The following SYNPR variants were observed in gnomAD, a reference collection of about 807,000 sequenced individuals.
SYNPR encodes synaptoporin.
A neutral mutation model predicts 32.9 loss-of-function variants in SYNPR; 23 were observed. That is an observed-to-expected ratio of 0.70 (90% CI 0.50 to 0.99). SYNPR has a LOEUF of 0.99. SYNPR is among the 50% of genes least tolerant of loss of function. SYNPR has a pLI of 0.00. For synonymous variants in SYNPR, 146 were observed against 135.9 expected (o/e 1.07, Z -0.52); for missense variants, 318 against 349.3 (o/e 0.91, Z 0.71).
chr3:63,569,445 C>CA (rs773721493), intron 4 of SYNPR, among the ~76,000 whole-genome samples: 24 of 151,786 alleles, frequency 1.6e-4, no homozygotes, highest in Non-Finnish European at 2.4e-4. Context: ...AGAGATCTCC[C>CA]AAAAAAGACC....
intron 2 of SYNPR, among the ~76,000 whole-genome samples, chr3:63,456,034 A>G (rs1700475621): frequency 6.6e-6 from 1 of 152,124 alleles, no homozygotes; most frequent in Non-Finnish European, 1.5e-5. Context: ...AGCAAGTCAC[A>G]TCTTAGATGG....
At chr3:63,456,235 G>A (rs1450062549) in intron 2 of SYNPR, among the ~76,000 whole-genome samples, 1 of 152,060 alleles carries the variant, frequency 6.6e-6, no homozygotes, top group Non-Finnish European at 1.5e-5. Context: ...TGGGGACACA[G>A]CCAAATCATA....
upstream of SYNPR, among the ~76,000 whole-genome samples, chr3:63,275,200 G>T (rs2086563855): frequency 6.6e-6 from 1 of 152,150 alleles, no homozygotes; most frequent in African/African-American, 2.4e-5. Flanking sequence ...TAATATTGTG[G>T]CAGTGTTTAT....
chr3:63,505,543 A>G (rs576468251), intron 3 of SYNPR, among the ~76,000 whole-genome samples: 4 of 152,248 alleles, frequency 2.6e-5, no homozygotes, highest in Admixed American at 6.6e-5. Context: ...GGAACAGAGT[A>G]GAACTAATTA....
rs575682104 is a variant in SYNPR, at chr3:63,284,850, T to C, written c.84+6108T>C. On this transcript the variant is annotated intron_variant, in intron 2 of 5. Coordinates refer to ENST00000478300, the MANE Select transcript of SYNPR (RefSeq NM_001130003.2). ...CTACCTTTGTCATGCAGGCATCATA[T>C]GGGGGACTATATTACTGTGTTTTTC... is the stretch of plus-strand genomic sequence containing the variant. Among the ~76,000 whole-genome samples, 3 of 152,300 alleles carry C rather than the reference T, an allele frequency of 2.0e-5. No individual in the cohort carries two copies. The East Asian group carries it at 5.8e-4, about 29-fold the overall frequency.
chr3:63,261,882 T>TG (rs2086441153), intron 2 of SYNPR, among the ~76,000 whole-genome samples: 1 of 148,564 alleles, frequency 6.7e-6, no homozygotes, highest in Admixed American at 6.7e-5. Flanking sequence ...TGTCGTGGGG[T>TG]GGGGGGAGAG....
the SYNPR span, among the ~76,000 whole-genome samples, chr3:63,220,229 C>G: frequency 2.0e-5 from 3 of 152,054 alleles, no homozygotes; most frequent in Admixed American, 2.0e-4. Flanking sequence ...ACATAGGACT[C>G]AAATTTATGG....
At chr3:63,245,708 AGAGT>A (rs1173312584) in intron 1 of SYNPR, among the ~76,000 whole-genome samples, 6 of 50,148 alleles carry the variant, frequency 1.2e-4, no homozygotes, top group East Asian at 4.6e-4. Context: ...AGAGAGAGAG[AGAGT>A]GTGTGTGTGT....
intron 3 of SYNPR, among the ~76,000 whole-genome samples, chr3:63,522,393 C>T (rs955446491): frequency 1.1e-4 from 16 of 152,190 alleles, no homozygotes; most frequent in Admixed American, 5.2e-4. Flanking sequence ...TATTATGTAA[C>T]TTGATGTTGG....
At chr3:63,478,576 T>C (rs1018949115) in intron 2 of SYNPR, among the ~76,000 whole-genome samples, 1 of 152,204 alleles carries the variant, frequency 6.6e-6, no homozygotes, top group African/African-American at 2.4e-5. Context: ...CAATCCCTTC[T>C]TACTTTTATG....
chr3:63,429,383 G>A (rs1455843953), intron 2 of SYNPR, among the ~76,000 whole-genome samples: 7 of 152,164 alleles, frequency 4.6e-5, no homozygotes, highest in African/African-American at 1.7e-4. Context: ...ATCTGAAGTG[G>A]AATTTAGTCA....
intron 1 of SYNPR, among the ~76,000 whole-genome samples, chr3:63,244,677 T>G (rs1170806877): frequency 2.0e-5 from 3 of 152,122 alleles, no homozygotes; most frequent in Non-Finnish European, 4.4e-5. Flanking sequence ...GATAGCCCTG[T>G]TCCACAAGCT....
chr3:63,383,638 C>G (rs1220504853), intron 2 of SYNPR, among the ~76,000 whole-genome samples: 1 of 152,114 alleles, frequency 6.6e-6, no homozygotes, highest in African/African-American at 2.4e-5. Flanking sequence ...GAGCAAGACT[C>G]TGTCTCCAAA....
chr3:63,474,667 C>A lies in SYNPR; in HGVS notation c.85-6165C>A, dbSNP rs1424212321. Among the ~76,000 whole-genome samples, 5 of 152,070 alleles carry A rather than the reference C, an allele frequency of 3.3e-5. No individual in the cohort carries two copies. In the South Asian group the frequency reaches 1.0e-3, roughly 32 times the overall value. On this transcript the variant is annotated intron_variant, in intron 2 of 5. Transcript: ENST00000478300. The stretch of plus-strand genomic sequence containing the variant: ...AACTGGCAAATGCTATAAAACACAG[C>A]TTTATTCCTGGGAGATTTGTTTGTT...
intron 1 of SYNPR, among the ~76,000 whole-genome samples, chr3:63,238,066 CA>C (rs1295335440): frequency 1.3e-5 from 2 of 152,062 alleles, no homozygotes; most frequent in Non-Finnish European, 2.9e-5. Context: ...CTTGTTAGGT[CA>C]GGGGTTGGGA....
At chr3:63,385,952 G>A (rs2088038211) in intron 2 of SYNPR, among the ~76,000 whole-genome samples, 1 of 152,210 alleles carries the variant, frequency 6.6e-6, no homozygotes, top group Non-Finnish European at 1.5e-5. Context: ...CCAAGTGTTA[G>A]TCTTGTCAAG....
chr3:63,538,626 T>C (rs35355009), intron 3 of SYNPR, among the ~76,000 whole-genome samples: 18,345 of 152,076 alleles, frequency 0.12, 1,267 homozygotes, highest in Middle Eastern at 0.23. Flanking sequence ...TAATAAGCAT[T>C]GCATGTTTCT....
chr3:63,533,647 G>C (rs1363424073), intron 3 of SYNPR, among the ~76,000 whole-genome samples: 1 of 152,112 alleles, frequency 6.6e-6, no homozygotes, highest in Non-Finnish European at 1.5e-5. Context: ...AAACAAAGCG[G>C]CTCAAGGCAC....
chr3:63,322,352 A>T (rs917610968), intron 2 of SYNPR, among the ~76,000 whole-genome samples: 3 of 152,052 alleles, frequency 2.0e-5, no homozygotes, highest in Non-Finnish European at 4.4e-5. Context: ...TCTCAAACTT[A>T]TTAATCTCCC....
Sources: gnomAD v4.1 joint callset for allele counts (sites outside exome capture counted in the v4.1 genomes callset) on GRCh38, gnomAD v4.1.1 for gene constraint, MANE v1.5 for transcripts, NCBI Gene and HGNC (gene_info 2026-07-23, HGNC 2026-07-21) for gene names.